The following MCOLN3 variants were observed in gnomAD, a reference collection of about 807,000 sequenced individuals.
MCOLN3 encodes mucolipin TRP cation channel 3.
Under a neutral mutation model 69.4 loss-of-function variants are expected in MCOLN3, and 62 were observed. The ratio of observed to expected loss-of-function variants is 0.89; its 90% CI spans 0.73 to 1.10. The LOEUF is 1.10. Ranked by LOEUF, MCOLN3 falls within the 50% of genes least tolerant of loss-of-function variation. The pLI, the probability that MCOLN3 is intolerant of heterozygous loss-of-function variation, is 0.00. For synonymous variants in MCOLN3, 183 were observed against 217.0 expected, an observed-to-expected ratio of 0.84 and a Z score of 1.38; for missense variants, 564 against 656.4, an observed-to-expected ratio of 0.86 and a Z score of 1.54.
intron 7 of MCOLN3, among the ~76,000 whole-genome samples, chr1:85,027,879 G>A (rs1271340514): frequency 6.6e-6 from 1 of 152,114 alleles, no homozygotes. Context: ...CTGCCACAGA[G>A]CTTGTCTCTA....
chr1:85,034,308 CA>C (rs1652697844), intron 3 of MCOLN3, 57 bp from the exon 4 acceptor site: 2 of 1,574,904 alleles, frequency 1.3e-6, no homozygotes, highest in East Asian at 4.5e-5. Context: ...GGAGTGAAGC[CA>C]TAACTCCCCT....
intron 12 of MCOLN3, among the ~76,000 whole-genome samples, chr1:85,019,497 A>C (rs558926801): frequency 1.3e-5 from 2 of 152,258 alleles, no homozygotes; most frequent in South Asian, 2.1e-4. Context: ...CTGAAACCCA[A>C]ATGGGCACAC....
Position 85,037,088 on chromosome 1 carries a change from G to A in MCOLN3, c.397-2837C>T, listed in dbSNP as rs182774139. 2.4e-4 allele frequency among the ~76,000 whole-genome samples: 36 copies of A among 152,244 alleles called. No homozygotes were observed. The East Asian group carries it at 6.7e-3, about 29-fold the overall frequency. Reference sequence around the variant, plus strand: ...GAGCTAATCTGTGCACAGTGAGTTGGTAAACTGTTAGGATAAGATAGGTGA... The same window carrying A: ...GAGCTAATCTGTGCACAGTGAGTTGATAAACTGTTAGGATAAGATAGGTGA... On this transcript the variant is annotated intron_variant, in intron 3 of 12. Transcript: ENST00000370589.
intron 9 of MCOLN3, chr1:85,024,497 T>C (rs1027096473): frequency 6.6e-6 from 1 of 151,876 alleles, no homozygotes; most frequent in Non-Finnish European, 1.5e-5. Flanking sequence ...TTGGCACTGA[T>C]GGCAGGAGGC....
intron 11 of MCOLN3, 102 bp downstream of exon 11, chr1:85,021,968 G>T: frequency 7.1e-7 from 1 of 1,417,036 alleles, no homozygotes; most frequent in Non-Finnish European, 9.6e-7. Flanking sequence ...ACATTTTAAG[G>T]CTGAATCACA....
intron 9 of MCOLN3, 197 bp from the exon 10 acceptor site, chr1:85,022,597 T>C (rs1652000262): frequency 2.2e-6 from 1 of 449,764 alleles, no homozygotes. Flanking sequence ...AATAGAAACT[T>C]TGGGACACTT....
intron 1 of MCOLN3, among the ~76,000 whole-genome samples, chr1:85,046,878 G>A (rs915497414): frequency 3.3e-5 from 5 of 152,088 alleles, no homozygotes; most frequent in African/African-American, 4.8e-5. Flanking sequence ...TCCTGTGTGC[G>A]TGTTAAAATG....
chr1:85,038,812 G>A (rs897008962), intron 3 of MCOLN3, among the ~76,000 whole-genome samples: 11 of 152,106 alleles, frequency 7.2e-5, no homozygotes, highest in Non-Finnish European at 1.0e-4. Flanking sequence ...CTAATATGGC[G>A]AAACCCTGCT....
At chr1:85,022,727 G>T in intron 9 of MCOLN3, 1 of 201,390 alleles carries the variant, frequency 5.0e-6, no homozygotes, top group Non-Finnish European at 1.0e-5. Context: ...GAGGGAGGGA[G>T]AAGTCATGCA....
intron 7 of MCOLN3, among the ~76,000 whole-genome samples, chr1:85,027,752 T>C (rs1200411268): frequency 6.6e-6 from 1 of 152,110 alleles, no homozygotes; most frequent in African/African-American, 2.4e-5. Context: ...AGCTGAAACC[T>C]GAGTGATAAG....
intron 6 of MCOLN3, among the ~76,000 whole-genome samples, chr1:85,031,804 G>A (rs1021005900): frequency 6.6e-6 from 1 of 152,148 alleles, no homozygotes; most frequent in Non-Finnish European, 1.5e-5. Context: ...TGGGCACGGT[G>A]GCTCACGCCT....
chr1:85,022,202 T>C lies in MCOLN3; in HGVS notation c.1198-10A>G. 1 of 1,613,844 alleles carries C rather than the reference T, an allele frequency of 6.2e-7. No homozygotes were observed. Among genetic ancestry groups the C allele is most frequent in the Non-Finnish European group, 8.5e-7 (1 of 1,179,886 alleles). ...GGGTCAAAATGAGGAGCTGGGAAAG[T>C]AAGAGAGGCCATTAGAATGGTTTTG... is the stretch of plus-strand genomic sequence containing the variant. On this transcript the variant is annotated splice_polypyrimidine_tract_variant and intron_variant, in intron 10 of 12. Transcript: ENST00000370589.
intron 11 of MCOLN3, among the ~76,000 whole-genome samples, chr1:85,021,495 C>T (rs1484759254): frequency 6.6e-6 from 1 of 152,186 alleles, no homozygotes; most frequent in Non-Finnish European, 1.5e-5. Flanking sequence ...CTTAAACTAG[C>T]CTAAATCAAA....
intron 3 of MCOLN3, 81 bp downstream of exon 3, chr1:85,040,929 G>T: frequency 7.5e-7 from 1 of 1,337,180 alleles, no homozygotes; most frequent in Non-Finnish European, 1.0e-6. Flanking sequence ...CCACTTGAAT[G>T]TCAGTTTCTA....
chr1:85,029,286 T>C, intron 6 of MCOLN3, 81 bp from the exon 7 acceptor site: 10 of 818,828 alleles, frequency 1.2e-5, no homozygotes, highest in Non-Finnish European at 1.8e-5. Flanking sequence ...AGGAAACAAT[T>C]CTTTCAAGGG....
intron 6 of MCOLN3, 101 bp downstream of exon 6, chr1:85,032,595 C>A: frequency 1.1e-6 from 1 of 869,944 alleles, no homozygotes; most frequent in Non-Finnish European, 1.9e-6. Context: ...TGAAAACATC[C>A]TATATTTTTT....
At chr1:85,046,874 GT>G (rs1341406033) in intron 1 of MCOLN3, among the ~76,000 whole-genome samples, 1 of 152,164 alleles carries the variant, frequency 6.6e-6, no homozygotes, top group African/African-American at 2.4e-5. Flanking sequence ...TGGCTCCTGT[GT>G]GCGTGTTAAA....
At chr1:85,035,027 A>T (rs1652738410) in intron 3 of MCOLN3, among the ~76,000 whole-genome samples, 1 of 152,214 alleles carries the variant, frequency 6.6e-6, no homozygotes, top group Admixed American at 6.5e-5. Flanking sequence ...AATTTCTAAT[A>T]TGGGATGGAT....
rs1426651474 is a variant in MCOLN3 at position 85,018,439 on chromosome 1, T to C, written c.*684A>G. On this transcript the variant is annotated 3_prime_UTR_variant, in exon 13 of 13. Coordinates refer to ENST00000370589, the MANE Select transcript of MCOLN3 (RefSeq NM_018298.11). Reference sequence around the variant, plus strand: ...TTTGTACCCCAGGACCAACAGGCTATACCAAATAGCCTAGGTGTGTAGTAG... The same window carrying C: ...TTTGTACCCCAGGACCAACAGGCTACACCAAATAGCCTAGGTGTGTAGTAG... 1 of 152,252 alleles carries C rather than the reference T, an allele frequency of 6.6e-6. No homozygotes were observed. 9.4% of individuals were successfully genotyped at this position (152,252 alleles called of 1,614,324 possible). A position where few individuals can be genotyped will look rare whatever the true frequency, so the allele number is the denominator to read the frequency against.
Sources: allele counts gnomAD v4.1 joint callset (sites outside exome capture counted in the v4.1 genomes callset), GRCh38; gene constraint gnomAD v4.1.1; transcripts MANE v1.5; gene names NCBI Gene and HGNC (gene_info 2026-07-23, HGNC 2026-07-21).